Variants in TMPRSS15 observed in about 807,000 individuals in gnomAD.
TMPRSS15 encodes the protein enteropeptidase.
In TMPRSS15, 128 loss-of-function variants were observed where a neutral mutation model predicts 125.3. That is an observed-to-expected ratio of 1.02 (90% CI 0.89 to 1.18). The LOEUF is 1.18. Among genes scored for constraint, TMPRSS15 ranks in the 50% most tolerant of loss-of-function variants. TMPRSS15 has a pLI of 0.00. For missense variants in TMPRSS15, 1,283 were observed against 1,212.7 expected (o/e 1.06, Z -0.86); for synonymous variants, 446 against 423.2 (o/e 1.05, Z -0.66).
intron 7 of TMPRSS15, among the ~76,000 whole-genome samples, chr21:18,361,202 T>A (rs773648366): frequency 7.2e-5 from 11 of 152,128 alleles, no homozygotes; most frequent in Non-Finnish European, 1.5e-4. Flanking sequence ...GAGGGGAGAC[T>A]TAGTGGAACC....
intron 18 of TMPRSS15, among the ~76,000 whole-genome samples, chr21:18,301,859 T>C (rs1476610391): frequency 6.6e-6 from 1 of 152,176 alleles, no homozygotes; most frequent in Non-Finnish European, 1.5e-5. Flanking sequence ...AAAACTTTAT[T>C]CCATGTGAGA....
chr21:18,279,499 T>G (rs2074666227), intron 22 of TMPRSS15, among the ~76,000 whole-genome samples: 2 of 150,334 alleles, frequency 1.3e-5, no homozygotes, highest in Admixed American at 1.3e-4. Flanking sequence ...CTAATTTTTT[T>G]GTATTTTTTT....
chr21:18,410,233 C>A (rs915679640), intron 1 of TMPRSS15, among the ~76,000 whole-genome samples: 1 of 151,376 alleles, frequency 6.6e-6, no homozygotes, highest in Non-Finnish European at 1.5e-5. Flanking sequence ...CTCTTTTCTG[C>A]AATTTTGTTA....
chr21:18,280,170 C>A (rs2074674264), intron 22 of TMPRSS15, among the ~76,000 whole-genome samples: 1 of 152,300 alleles, frequency 6.6e-6, no homozygotes, highest in East Asian at 1.9e-4. Flanking sequence ...TTGAGCAGAG[C>A]CCTTCATGAT....
upstream of TMPRSS15, among the ~76,000 whole-genome samples, chr21:18,404,842 A>G (rs1354105581): frequency 2.6e-5 from 4 of 152,132 alleles, no homozygotes; most frequent in African/African-American, 9.7e-5. Context: ...TTTGCTGATA[A>G]AAATAGAATT....
chr21:18,335,645 C>T (rs977980907), intron 13 of TMPRSS15, among the ~76,000 whole-genome samples: 6 of 152,198 alleles, frequency 3.9e-5, no homozygotes, highest in African/African-American at 1.2e-4. Context: ...AATAAGACAT[C>T]TCTGATCCCT....
At chr21:18,482,513 G>A (rs1362908625) in intron 1 of TMPRSS15, among the ~76,000 whole-genome samples, 3 of 151,400 alleles carry the variant, frequency 2.0e-5, no homozygotes, top group Admixed American at 6.6e-5. Context: ...ATCATTACAC[G>A]TCTATGCATG....
In TMPRSS15 at chr21:18,375,019, T is replaced by C. The variant is rs113172937; in HGVS notation, c.533-2695A>G. Among the ~76,000 whole-genome samples the C allele has an allele frequency of 2.6e-3, 395 of 152,306 alleles. 4 individuals are homozygous for C. Among genetic ancestry groups the C allele is most frequent in the African/African-American group, 8.6e-3 (359 of 41,566 alleles). On this transcript the variant is annotated intron_variant, in intron 5 of 24. Transcript: ENST00000284885. ...ATGAACAAATTGTGGGGTTAGAAAC[T>C]TGAGTCTAGTTGGAAGTATTTTGAA...
In TMPRSS15 at chr21:18,314,959, T is replaced by A. The variant is rs574089510; in HGVS notation, c.2032+187A>T. 9.9e-5 allele frequency among the ~76,000 whole-genome samples: 15 copies of A among 152,266 alleles called. No individual in the cohort carries two copies. In the East Asian group the frequency reaches 2.5e-3, roughly 26 times the overall value. ...TTGAAACAAACAATAAACTGAGGCC[T>A]GCGTATTAACTTTTCTTCTATCCAG... On this transcript the variant is annotated intron_variant, in intron 17 of 24. Coordinates refer to ENST00000284885, the MANE Select transcript of TMPRSS15 (RefSeq NM_002772.3).
intron 22 of TMPRSS15, among the ~76,000 whole-genome samples, chr21:18,279,369 A>C (rs1480713061): frequency 8.7e-6 from 1 of 115,040 alleles, no homozygotes; most frequent in Non-Finnish European, 1.6e-5. Flanking sequence ...TCGGTCGCCC[A>C]GGCTGGAGTG....
intron 10 of TMPRSS15, among the ~76,000 whole-genome samples, chr21:18,350,362 C>G (rs1601374241): frequency 6.6e-6 from 1 of 152,150 alleles, no homozygotes; most frequent in South Asian, 2.1e-4. Flanking sequence ...ACTGGTGACT[C>G]ATTTAGCTGG....
At chr21:18,371,293 G>C (rs138068067) in intron 6 of TMPRSS15, among the ~76,000 whole-genome samples, 41 of 152,220 alleles carry the variant, frequency 2.7e-4, no homozygotes, top group African/African-American at 9.4e-4. Flanking sequence ...TCCATTTACT[G>C]TGTGTCCTGT....
intron 1 of TMPRSS15, among the ~76,000 whole-genome samples, chr21:18,479,624 C>A (rs909564775): frequency 1.3e-5 from 2 of 151,764 alleles, no homozygotes; most frequent in Admixed American, 6.6e-5. Context: ...ATGTGGCCCA[C>A]AAACATGAAA....
At chr21:18,388,987 A>T (rs556286577) in intron 3 of TMPRSS15, among the ~76,000 whole-genome samples, 2 of 152,020 alleles carry the variant, frequency 1.3e-5, no homozygotes, top group Non-Finnish European at 2.9e-5. Context: ...AAGACAGCAG[A>T]TGGGTGTAGG....
intron 1 of TMPRSS15, among the ~76,000 whole-genome samples, chr21:18,446,111 T>C (rs184720385): frequency 6.6e-6 from 1 of 152,300 alleles, no homozygotes; most frequent in Admixed American, 6.5e-5. Context: ...TCAATAAAGT[T>C]GTAGAATACA....
chr21:18,296,288 C>T (rs1367406346), intron 19 of TMPRSS15, among the ~76,000 whole-genome samples: 2 of 152,138 alleles, frequency 1.3e-5, no homozygotes, highest in African/African-American at 4.8e-5. Flanking sequence ...TTCAAAAACA[C>T]CAGTTTTCAT....
intron 1 of TMPRSS15, among the ~76,000 whole-genome samples, chr21:18,401,157 G>A (rs2076091553): frequency 6.6e-6 from 1 of 152,188 alleles, no homozygotes; most frequent in East Asian, 1.9e-4. Flanking sequence ...CAGCCACTGT[G>A]CAAAGCAGTT....
At chr21:18,351,472 G>T (rs889280226) in intron 10 of TMPRSS15, among the ~76,000 whole-genome samples, 1 of 152,092 alleles carries the variant, frequency 6.6e-6, no homozygotes, top group Non-Finnish European at 1.5e-5. Flanking sequence ...GGATCACGGG[G>T]GCAATTTTTT....
At chr21:18,300,752 A>C (rs958152361) in intron 18 of TMPRSS15, among the ~76,000 whole-genome samples, 3 of 152,160 alleles carry the variant, frequency 2.0e-5, no homozygotes, top group Admixed American at 6.5e-5. Context: ...CCTATTTATG[A>C]CACATCTACT....
Sources: allele counts gnomAD v4.1 joint callset (sites outside exome capture counted in the v4.1 genomes callset), GRCh38; gene constraint gnomAD v4.1.1; transcripts MANE v1.5; gene names NCBI Gene and HGNC (gene_info 2026-07-23, HGNC 2026-07-21).